The following CLTCL1 variants were observed in gnomAD, a reference collection of about 807,000 sequenced individuals.
CLTCL1 encodes the protein clathrin heavy chain like 1, also known as clathrin heavy chain 2.
Under a neutral mutation model 190.0 loss-of-function variants are expected in CLTCL1, and 159 were observed. That is an observed-to-expected ratio of 0.84 (90% CI 0.74 to 0.95). The LOEUF (loss-of-function observed/expected upper bound fraction) is 0.95. Among genes scored for constraint, CLTCL1 ranks in the 40% least tolerant of loss-of-function variants. The pLI, the probability that CLTCL1 is intolerant of heterozygous loss-of-function variation, is 0.00. For synonymous variants in CLTCL1, 752 were observed against 769.6 expected (o/e 0.98, Z 0.38); for missense variants, 1,878 against 2,033.4 (o/e 0.92, Z 1.47).
At chr22:19,192,997 T>C (rs1225219790) in intron 26 of CLTCL1, among the ~76,000 whole-genome samples, 3 of 152,152 alleles carry the variant, frequency 2.0e-5, no homozygotes, top group African/African-American at 7.2e-5. Flanking sequence ...CAGGATGTGA[T>C]GTGGGGCTGA....
chr22:19,228,355 A>G (rs2085817563), intron 11 of CLTCL1, among the ~76,000 whole-genome samples: 1 of 152,262 alleles, frequency 6.6e-6, no homozygotes, highest in South Asian at 2.1e-4. Flanking sequence ...GCACTAAGCC[A>G]GAGCCTGCTG....
intron 24 of CLTCL1, among the ~76,000 whole-genome samples, chr22:19,196,973 A>G (rs2084731473): frequency 6.6e-6 from 1 of 152,174 alleles, no homozygotes; most frequent in Non-Finnish European, 1.5e-5. Flanking sequence ...TCTGGGAATG[A>G]TTTGTTTTAA....
intron 1 of CLTCL1, among the ~76,000 whole-genome samples, chr22:19,285,780 C>T (rs894520681): frequency 2.0e-4 from 31 of 152,150 alleles, no homozygotes; most frequent in Admixed American, 1.8e-3. Flanking sequence ...CAGAAAGATT[C>T]CCCCTTAGAG....
chr22:19,239,051 A>G (rs151205861), intron 5 of CLTCL1, among the ~76,000 whole-genome samples: 53 of 152,312 alleles, frequency 3.5e-4, no homozygotes, highest in Admixed American at 9.8e-4. Flanking sequence ...TGACTTGGCA[A>G]CGTCTTCCTG....
intron 2 of CLTCL1, among the ~76,000 whole-genome samples, chr22:19,270,652 G>A (rs113152974): frequency 4.0e-5 from 6 of 150,930 alleles, no homozygotes; most frequent in East Asian, 2.0e-4. Flanking sequence ...GTGTGAACCC[G>A]GGAGGCAGAG....
chr22:19,221,660 T>C, intron 16 of CLTCL1, 49 bp from the exon 17 acceptor site: 1 of 1,445,338 alleles, frequency 6.9e-7, no homozygotes, highest in Non-Finnish European at 9.5e-7. Context: ...CCACTGGAAG[T>C]CTTGAGGGCA....
At chr22:19,191,654 G>A (rs1161931814) in intron 26 of CLTCL1, among the ~76,000 whole-genome samples, 1 of 152,316 alleles carries the variant, frequency 6.6e-6, no homozygotes, top group Non-Finnish European at 1.5e-5. Context: ...CAGCCTCAGG[G>A]TTTCCTGCCT....
chr22:19,226,300 G>A lies in CLTCL1; in HGVS notation c.1866C>T (p.Leu622=), dbSNP rs2085743823. 1.2e-6 allele frequency: 2 copies of A among 1,613,914 alleles called. No individual in the cohort carries two copies. The highest frequency in any genetic ancestry group is 1.3e-5 in the African/African-American group (1 of 74,922). ...TGTAGTGCTCCAGTGCTTGCTGCAG[G>A]AGGCCTGCCTTCTCACAGAGCTGGG... ...HIAQLCEKAG[L]LQQALEHYTD... is the part of the protein sequence containing the mutation. The change falls in exon 12 of 33, where the codon CTC becomes CTT. Residue 622 remains leucine, a synonymous_variant. Coordinates refer to ENST00000427926, the MANE Select transcript of CLTCL1 (RefSeq NM_007098.4).
intron 2 of CLTCL1, among the ~76,000 whole-genome samples, chr22:19,274,767 T>C (rs1337752835): frequency 3.3e-5 from 5 of 151,500 alleles, no homozygotes; most frequent in Admixed American, 6.6e-5. Flanking sequence ...TTTGCTCTTG[T>C]TGTCCAGGCT....
rs782774942 is a variant in CLTCL1, at chr22:19,233,264, C to T, written c.1423G>A (p.Ala475Thr). ...DLVKTTDPML[A>T]LSVYLRANVP... ...TTTGCCCGAAGGTACACACTCAGAG[C>T]GAGCATGGGGTCAGTGGTTTTGACC... Residue 475 changes from alanine (A) to threonine (T), a missense_variant, in exon 9 of 33, where the codon GCT becomes ACT. Transcript: ENST00000427926. 2.5e-6 allele frequency: 4 copies of T among 1,613,944 alleles called. No individual in the cohort carries two copies. The highest frequency in any genetic ancestry group is 1.1e-5 in the South Asian group (1 of 91,082).
rs181548471 is a variant in CLTCL1 at position 19,229,841 on chromosome 22, G to C, written c.1779C>G (p.Pro593=). Residue 593 remains proline, a synonymous_variant, in exon 11 of 33, where the codon CCC becomes CCG. Coordinates refer to ENST00000427926, the MANE Select transcript of CLTCL1 (RefSeq NM_007098.4). The part of the protein sequence containing the change: ...WLLEMNLVHA[P]QVADAILGNK... ...TGTTAGCCTACAAGTCACTGACCTG[G>C]GGTGCATGAACAAGGTTCATCTCCA... The C allele has an allele frequency of 1.9e-6, 3 of 1,607,326 alleles. No homozygotes were observed. Among genetic ancestry groups the C allele is most frequent in the Admixed American group, 3.4e-5 (2 of 58,994 alleles).
intron 2 of CLTCL1, among the ~76,000 whole-genome samples, chr22:19,259,509 C>T (rs2086875296): frequency 6.6e-6 from 1 of 152,154 alleles, no homozygotes; most frequent in South Asian, 2.1e-4. Flanking sequence ...CTCTGGGTCA[C>T]ACTTTGGTAA....
intron 26 of CLTCL1, 123 bp from the exon 27 acceptor site, chr22:19,191,558 C>T (rs1213983255): frequency 6.9e-6 from 8 of 1,161,014 alleles, no homozygotes; most frequent in Admixed American, 4.3e-5. Flanking sequence ...CCCTATAAGA[C>T]TCAATGGCCT....
In CLTCL1 at chr22:19,196,722, C is replaced by T. The variant is rs114167951; in HGVS notation, c.3874-66G>A. The T allele has an allele frequency of 1.9e-3, 2,874 of 1,537,540 alleles. 39 individuals are homozygous for T. In the African/African-American group the frequency reaches 0.034, roughly 18 times the overall value. Reference sequence around the variant, plus strand: ...TGCCTCCTGCAGCCACCCTCCAGCCCATGCCCACGCCGCAGGGACTGTGCT... The same window carrying T: ...TGCCTCCTGCAGCCACCCTCCAGCCTATGCCCACGCCGCAGGGACTGTGCT... On this transcript the variant is annotated intron_variant, in intron 24 of 32. Coordinates refer to ENST00000427926, the MANE Select transcript of CLTCL1 (RefSeq NM_007098.4).
intron 3 of CLTCL1, chr22:19,250,028 C>G: frequency 7.3e-6 from 2 of 273,088 alleles, no homozygotes; most frequent in South Asian, 7.0e-5. Context: ...CCGAGGTGGG[C>G]AGATCACTTG....
rs781926147 is a variant in CLTCL1, at chr22:19,180,768, T to C, written c.4866A>G (p.Gln1622=). The change falls in exon 31 of 33, where the codon CAA becomes CAG. Residue 1622 remains glutamine, a synonymous_variant. Transcript: ENST00000427926. ...GGGCAGGCTCTGTCACATGCTCCTC[T>C]TGCTTGCGCAGACTCTCCAAGGCAT... ...KLDALESLRK[Q]EEHVTEPAPL... 1.2e-6 allele frequency: 2 copies of C among 1,613,812 alleles called. No individual in the cohort carries two copies. Among genetic ancestry groups the C allele is most frequent in the Non-Finnish European group, 1.7e-6 (2 of 1,179,820 alleles).
At chr22:19,273,491 T>C (rs183258891) in intron 2 of CLTCL1, among the ~76,000 whole-genome samples, 54 of 152,236 alleles carry the variant, frequency 3.5e-4, no homozygotes, top group African/African-American at 1.2e-3. Context: ...CATGCTGCTC[T>C]CCTGATGGAC....
At chr22:19,263,835 A>T (rs1477421004) in intron 2 of CLTCL1, among the ~76,000 whole-genome samples, 2 of 152,230 alleles carry the variant, frequency 1.3e-5, no homozygotes, top group African/African-American at 4.8e-5. Flanking sequence ...CAAAAAATTC[A>T]TGTAACTCAC....
At chr22:19,192,698 T>C (rs760543399) in intron 26 of CLTCL1, among the ~76,000 whole-genome samples, 3 of 152,204 alleles carry the variant, frequency 2.0e-5, no homozygotes, top group Non-Finnish European at 4.4e-5. Flanking sequence ...TCTTTCTCCT[T>C]CTCTTTTCCT....
Sources: allele counts gnomAD v4.1 joint callset (sites outside exome capture counted in the v4.1 genomes callset), GRCh38; gene constraint gnomAD v4.1.1; transcripts MANE v1.5; gene names NCBI Gene and HGNC (gene_info 2026-07-23, HGNC 2026-07-21).